Variants in DIS3L2 observed in about 807,000 individuals in gnomAD.
DIS3L2 encodes the protein DIS3-like exonuclease 2.
Under a neutral mutation model 97.5 loss-of-function variants are expected in DIS3L2, and 34 were observed. The ratio of observed to expected loss-of-function variants is 0.35; its 90% CI spans 0.27 to 0.46. The LOEUF (loss-of-function observed/expected upper bound fraction) is 0.46. DIS3L2 is among the 20% of genes least tolerant of loss of function. DIS3L2 has a pLI of 1.00. For synonymous variants in DIS3L2, 435 were observed against 445.2 expected, an observed-to-expected ratio of 0.98 and a Z score of 0.29; for missense variants, 1,038 against 1,146.0, an observed-to-expected ratio of 0.91 and a Z score of 1.36.
intron 8 of DIS3L2, among the ~76,000 whole-genome samples, chr2:232,145,370 A>G (rs1184496836): frequency 1.3e-5 from 2 of 152,204 alleles, no homozygotes; most frequent in Non-Finnish European, 2.9e-5. Flanking sequence ...ATATCCAGCC[A>G]TCTTGCCATA....
chr2:232,241,311 C>T (rs1693074513), intron 11 of DIS3L2, among the ~76,000 whole-genome samples: 1 of 152,236 alleles, frequency 6.6e-6, no homozygotes, highest in African/African-American at 2.4e-5. Flanking sequence ...TCATTTCTCC[C>T]AGCTTCATCA....
At chr2:231,963,017 A>G (rs559242290) in intron 1 of DIS3L2, among the ~76,000 whole-genome samples, 1 of 151,372 alleles carries the variant, frequency 6.6e-6, no homozygotes, top group South Asian at 2.1e-4. Flanking sequence ...TGTGTTTGCT[A>G]TTGTGAATAG....
rs758784169 is a variant in DIS3L2 at position 232,334,403 on chromosome 2, C to G, written c.2193C>G (p.Thr731=). 1 of 1,613,768 alleles carries G rather than the reference C, an allele frequency of 6.2e-7. No individual in the cohort carries two copies. Among genetic ancestry groups the G allele is most frequent in the South Asian group, 1.1e-5 (1 of 91,086 alleles). ...AGCGACTAGACATGGCGCCCGATAC[C>G]CTGCAGAAACAGGCGGACCACTGTA... is the stretch of plus-strand genomic sequence containing the variant. ...YRERLDMAPD[T]LQKQADHCND... The change falls in exon 18 of 21, where the codon ACC becomes ACG. Residue 731 remains threonine, a synonymous_variant. Transcript: ENST00000325385.
chr2:232,140,367 G>A (rs561178483), intron 8 of DIS3L2, among the ~76,000 whole-genome samples: 112 of 152,294 alleles, frequency 7.4e-4, no homozygotes, highest in African/African-American at 2.5e-3. Flanking sequence ...GACACTTGGT[G>A]AACATTTGCT....
chr2:232,102,636 AAT>A (rs1697237953), intron 6 of DIS3L2, among the ~76,000 whole-genome samples: 2 of 152,234 alleles, frequency 1.3e-5, no homozygotes, highest in Non-Finnish European at 2.9e-5. Context: ...CAAATGTAGC[AAT>A]ATGTTAATTG....
At chr2:232,329,785 T>TCCCCGGGGGCCCCCCCC in intron 14 of DIS3L2, 28 bp from the exon 15 acceptor site, 10 of 967,130 alleles carry the variant, frequency 1.0e-5, no homozygotes, top group Admixed American at 3.4e-5. Flanking sequence ...ACCCCAGCGG[T>TCCCCGGGGGCCCCCCCC]CCCTCCCATC....
intron 10 of DIS3L2, among the ~76,000 whole-genome samples, chr2:232,233,603 A>C (rs1369594865): frequency 6.6e-6 from 1 of 152,202 alleles, no homozygotes; most frequent in African/African-American, 2.4e-5. Context: ...CTCTGTCACC[A>C]CTGTGACCAC....
intron 6 of DIS3L2, among the ~76,000 whole-genome samples, chr2:232,126,534 C>G (rs73003118): frequency 4.9e-4 from 74 of 152,252 alleles, no homozygotes; most frequent in African/African-American, 1.5e-3. Context: ...CATTCCAGCC[C>G]GCAGGATTGA....
At chr2:232,001,236 T>C (rs1393493301) in intron 1 of DIS3L2, among the ~76,000 whole-genome samples, 1 of 152,226 alleles carries the variant, frequency 6.6e-6, no homozygotes, top group East Asian at 1.9e-4. Flanking sequence ...GTGTTTTCGA[T>C]AATAGCCATT....
intron 13 of DIS3L2, among the ~76,000 whole-genome samples, chr2:232,291,236 A>G (rs966115708): frequency 1.3e-5 from 2 of 152,256 alleles, no homozygotes; most frequent in Admixed American, 6.5e-5. Flanking sequence ...GGAGATGGAA[A>G]AAAAGAAATT....
At chr2:232,314,065 C>T (rs921715564) in intron 14 of DIS3L2, among the ~76,000 whole-genome samples, 3 of 152,144 alleles carry the variant, frequency 2.0e-5, no homozygotes, top group Non-Finnish European at 2.9e-5. Context: ...GACACTATCA[C>T]CTGCCCCATC....
intron 13 of DIS3L2, among the ~76,000 whole-genome samples, chr2:232,286,598 C>T (rs1431273613): frequency 6.6e-6 from 1 of 152,198 alleles, no homozygotes; most frequent in African/African-American, 2.4e-5. Context: ...TCTGGCCTTA[C>T]TGTATAATAC....
chr2:231,987,281 A>C (rs1277952776), intron 1 of DIS3L2, among the ~76,000 whole-genome samples: 1 of 152,224 alleles, frequency 6.6e-6, no homozygotes, highest in East Asian at 1.9e-4. Flanking sequence ...TGTGGCAATT[A>C]AAATGTGCCT....
At chr2:232,035,394 C>T (rs1450080434) in intron 5 of DIS3L2, among the ~76,000 whole-genome samples, 1 of 152,126 alleles carries the variant, frequency 6.6e-6, no homozygotes, top group Non-Finnish European at 1.5e-5. Flanking sequence ...ATGTGTGTCT[C>T]TGCACGTGAG....
At chr2:231,995,943 A>G (rs972821540) in intron 1 of DIS3L2, among the ~76,000 whole-genome samples, 5 of 152,218 alleles carry the variant, frequency 3.3e-5, no homozygotes, top group Non-Finnish European at 7.3e-5. Context: ...ATTTGGGACA[A>G]AAGTTCTTCC....
intron 6 of DIS3L2, among the ~76,000 whole-genome samples, chr2:232,089,693 G>C (rs557849075): frequency 6.6e-6 from 1 of 152,192 alleles, no homozygotes; most frequent in Non-Finnish European, 1.5e-5. Flanking sequence ...CTGGTGATAG[G>C]CTTGGCAGAT....
chr2:232,282,895 G>A (rs1694332046), intron 13 of DIS3L2, among the ~76,000 whole-genome samples: 1 of 152,172 alleles, frequency 6.6e-6, no homozygotes, highest in African/African-American at 2.4e-5. Context: ...ATGAGGCTGC[G>A]CACATGAAGG....
At chr2:232,282,194 C>A (rs1694310377) in intron 13 of DIS3L2, among the ~76,000 whole-genome samples, 1 of 146,414 alleles carries the variant, frequency 6.8e-6, no homozygotes, top group Admixed American at 6.8e-5. Context: ...CCTTTTGAAA[C>A]CCAACATGTC....
chr2:232,258,578 G>A lies in DIS3L2; in HGVS notation c.1426-4629G>A, dbSNP rs185970946. ...CAACCTGGTGACAGAGTGACAGAGT[G>A]ACAGAGCGAGACTCTGTCTCAAAAA... is the stretch of plus-strand genomic sequence containing the variant. On this transcript the variant is annotated intron_variant, in intron 12 of 20. Transcript: ENST00000325385. Among the ~76,000 whole-genome samples the A allele has an allele frequency of 3.1e-3, 391 of 125,884 alleles. 1 individual carries two copies. Among genetic ancestry groups the A allele is most frequent in the Middle Eastern group, 0.019 (3 of 156 alleles). 82.6% of individuals were successfully genotyped at this position (125,884 alleles called of 152,430 possible). A position where few individuals can be genotyped will look rare whatever the true frequency, so the allele number is the denominator to read the frequency against.
Sources: gnomAD v4.1 joint callset for allele counts (sites outside exome capture counted in the v4.1 genomes callset) on GRCh38, gnomAD v4.1.1 for gene constraint, MANE v1.5 for transcripts, NCBI Gene and HGNC (gene_info 2026-07-23, HGNC 2026-07-21) for gene names.